Variants in LRP1B observed in about 807,000 individuals in gnomAD.
LRP1B encodes the protein LDL receptor related protein 1B, also known as low-density lipoprotein receptor-related protein 1B.
LRP1B carries 217 observed loss-of-function variants against 556.6 expected under a neutral mutation model. The observed-to-expected ratio is 0.39, with a 90% CI of 0.35 to 0.44. The LOEUF is 0.44. Ranked by LOEUF, LRP1B falls within the 20% of genes least tolerant of loss-of-function variation. The probability of loss-of-function intolerance (pLI) is 1.00; values close to 1 mark genes in which losing one functional copy is unlikely to be tolerated. For missense variants in LRP1B, 5,053 were observed against 5,620.8 expected (o/e 0.90, Z 3.23); for synonymous variants, 2,047 against 1,865.8 (o/e 1.10, Z -2.50).
intron 14 of LRP1B, among the ~76,000 whole-genome samples, chr2:141,007,730 A>G (rs912780353): frequency 5.3e-5 from 8 of 151,822 alleles, no homozygotes; most frequent in Admixed American, 2.0e-4. Flanking sequence ...ACAGTCAGAA[A>G]TAAGGAATTA....
At chr2:140,456,840 T>A (rs1687126271) in intron 61 of LRP1B, among the ~76,000 whole-genome samples, 1 of 152,226 alleles carries the variant, frequency 6.6e-6, no homozygotes, top group African/African-American at 2.4e-5. Context: ...AAAACAAAAA[T>A]TTTAGTAGAA....
At chr2:140,504,794 A>G (rs1689337095) in intron 53 of LRP1B, among the ~76,000 whole-genome samples, 1 of 151,996 alleles carries the variant, frequency 6.6e-6, no homozygotes, top group Non-Finnish European at 1.5e-5. Context: ...ACCATTCCCA[A>G]CCTCGTTCAA....
At chr2:140,338,296 A>G (rs1460464595) in intron 77 of LRP1B, among the ~76,000 whole-genome samples, 1 of 151,778 alleles carries the variant, frequency 6.6e-6, no homozygotes, top group Admixed American at 6.6e-5. Context: ...ATAATGGCAG[A>G]GGGTGGAGAT....
intron 21 of LRP1B, 56 bp downstream of exon 21, chr2:140,922,908 CA>C: frequency 6.8e-7 from 1 of 1,481,286 alleles, no homozygotes; most frequent in Non-Finnish European, 9.2e-7. Context: ...CAGCCTGAGC[CA>C]AAAGGACTCC....
intron 2 of LRP1B, among the ~76,000 whole-genome samples, chr2:141,491,006 C>A (rs1044914366): frequency 6.7e-6 from 1 of 149,594 alleles, no homozygotes; most frequent in Non-Finnish European, 1.5e-5. Flanking sequence ...TAGGTTCTTT[C>A]ATGGGTGATA....
At chr2:140,297,691 G>C in intron 84 of LRP1B, 117 bp downstream of exon 84, 2 of 1,124,074 alleles carry the variant, frequency 1.8e-6, no homozygotes. Flanking sequence ...GAGTGACAGA[G>C]ACTGAACCTG....
chr2:142,093,773 A>C (rs1414433431), intron 1 of LRP1B, among the ~76,000 whole-genome samples: 1 of 152,102 alleles, frequency 6.6e-6, no homozygotes, highest in African/African-American at 2.4e-5. Context: ...GTTATAGAGC[A>C]GTCATAGATG....
At chr2:140,853,183 GGTCACAAACTCTCAT>G (rs1312352597) in intron 27 of LRP1B, among the ~76,000 whole-genome samples, 1 of 151,970 alleles carries the variant, frequency 6.6e-6, no homozygotes, top group Non-Finnish European at 1.5e-5. Context: ...CCCTGAAGCA[GGTCACAAACTCTCAT>G]GTAGAGGTGC....
intron 2 of LRP1B, among the ~76,000 whole-genome samples, chr2:141,504,392 A>T (rs1262345017): frequency 6.6e-6 from 1 of 152,122 alleles, no homozygotes; most frequent in African/African-American, 2.4e-5. Context: ...TTGTAGATAG[A>T]TCCCAGGAAA....
intron 31 of LRP1B, among the ~76,000 whole-genome samples, chr2:140,819,762 T>C (rs1303345160): frequency 1.3e-5 from 2 of 152,122 alleles, no homozygotes; most frequent in Non-Finnish European, 2.9e-5. Context: ...TCTATTACAA[T>C]AGCTAAAATA....
intron 2 of LRP1B, among the ~76,000 whole-genome samples, chr2:141,787,515 T>C (rs1695464394): frequency 6.6e-6 from 1 of 151,236 alleles, no homozygotes. Context: ...ATGAATCCAC[T>C]TAGTGTCATA....
chr2:142,018,765 G>C (rs1372243465), intron 1 of LRP1B, among the ~76,000 whole-genome samples: 2 of 149,706 alleles, frequency 1.3e-5, no homozygotes, highest in Non-Finnish European at 3.0e-5. Flanking sequence ...TATATCTAAT[G>C]AAATTCCAAT....
Position 141,733,822 on chromosome 2 carries a change from A to T in LRP1B, c.205+76457T>A, listed in dbSNP as rs544486982. Among the ~76,000 whole-genome samples, 181 of 152,286 alleles carry T rather than the reference A, an allele frequency of 1.2e-3. 1 individual carries two copies. The highest frequency in any genetic ancestry group is 2.0e-3 in the Non-Finnish European group (134 of 68,010). On this transcript the variant is annotated intron_variant, in intron 2 of 90. Transcript: ENST00000389484. ...TGTTCTAGTCTTATTGTGATAGTTC[A>T]GACTACTATCAAGTGTTTCTTGAAT...
chr2:141,414,086 A>C (rs992143157), intron 3 of LRP1B, among the ~76,000 whole-genome samples: 2 of 151,750 alleles, frequency 1.3e-5, no homozygotes, highest in East Asian at 1.9e-4. Flanking sequence ...AAATACAAAA[A>C]ATTAGCCGGG....
At chr2:141,802,243 T>C (rs1696031341) in intron 2 of LRP1B, among the ~76,000 whole-genome samples, 1 of 152,158 alleles carries the variant, frequency 6.6e-6, no homozygotes, top group African/African-American at 2.4e-5. Flanking sequence ...CTCTTGTATC[T>C]GATCTTTCAG....
chr2:141,152,942 G>C (rs1218143440), intron 7 of LRP1B, among the ~76,000 whole-genome samples: 1 of 150,780 alleles, frequency 6.6e-6, no homozygotes, highest in East Asian at 1.9e-4. Context: ...CTCAGGAAGC[G>C]AAGGTACACT....
At chr2:141,460,174 C>G (rs1037152278) in intron 3 of LRP1B, among the ~76,000 whole-genome samples, 2 of 152,036 alleles carry the variant, frequency 1.3e-5, no homozygotes, top group African/African-American at 2.4e-5. Flanking sequence ...TATTTTCTTC[C>G]CTTAAAAAAT....
chr2:141,847,338 T>TA (rs1241894750), intron 1 of LRP1B, among the ~76,000 whole-genome samples: 1 of 151,552 alleles, frequency 6.6e-6, no homozygotes, highest in Non-Finnish European at 1.5e-5. Flanking sequence ...TCATGGATGA[T>TA]ATGGCTACAT....
At chr2:140,473,591 AATAG>A (rs1687852912) in intron 60 of LRP1B, among the ~76,000 whole-genome samples, 1 of 151,880 alleles carries the variant, frequency 6.6e-6, no homozygotes, top group African/African-American at 2.4e-5. Flanking sequence ...AATAGTTTCT[AATAG>A]ATCTAATATT....
Sources: gnomAD v4.1 joint callset for allele counts (sites outside exome capture counted in the v4.1 genomes callset) on GRCh38, gnomAD v4.1.1 for gene constraint, MANE v1.5 for transcripts, NCBI Gene and HGNC (gene_info 2026-07-23, HGNC 2026-07-21) for gene names.